The following COL21A1 variants were observed in gnomAD, a reference collection of about 807,000 sequenced individuals.
COL21A1 encodes collagen alpha-1(XXI) chain.
In COL21A1, 149 loss-of-function variants were observed where a neutral mutation model predicts 137.9. That is an observed-to-expected ratio of 1.08 (90% CI 0.95 to 1.24). The LOEUF (loss-of-function observed/expected upper bound fraction) is 1.24. Among genes scored for constraint, COL21A1 ranks in the 50% most tolerant of loss-of-function variants. The probability of loss-of-function intolerance (pLI) is 0.00; values close to 1 mark genes in which losing one functional copy is unlikely to be tolerated. For synonymous variants in COL21A1, 456 were observed against 391.5 expected (o/e 1.16, Z -1.95); for missense variants, 1,167 against 1,158.4 (o/e 1.01, Z -0.11).
intron 1 of COL21A1, among the ~76,000 whole-genome samples, chr6:56,280,398 C>T (rs555980976): frequency 6.6e-6 from 1 of 152,260 alleles, no homozygotes; most frequent in Admixed American, 6.5e-5. Context: ...GGATTCTTTG[C>T]ACAACTGAAT....
At chr6:56,183,490 G>A (rs139245515) in intron 1 of COL21A1, among the ~76,000 whole-genome samples, 141 of 152,232 alleles carry the variant, frequency 9.3e-4, no homozygotes, top group African/African-American at 3.2e-3. Flanking sequence ...TCTCTGCCAC[G>A]CAACAAGCAT....
intron 22 of COL21A1, chr6:56,068,650 A>C (rs1766470081): frequency 6.5e-6 from 1 of 154,986 alleles, no homozygotes; most frequent in Admixed American, 6.6e-5. Flanking sequence ...CACAAGTTTT[A>C]TCCTTCCAGA....
At chr6:56,389,140 T>A (rs2094024223) in intron 1 of COL21A1, among the ~76,000 whole-genome samples, 1 of 152,054 alleles carries the variant, frequency 6.6e-6, no homozygotes, top group African/African-American at 2.4e-5. Context: ...AGGCAGTGGA[T>A]CATCTGAGGT....
chr6:56,207,590 G>A (rs962341232), intron 1 of COL21A1, among the ~76,000 whole-genome samples: 5 of 152,154 alleles, frequency 3.3e-5, no homozygotes, highest in Non-Finnish European at 7.4e-5. Context: ...ATTCACAGCC[G>A]AATTCTGCCA....
intron 1 of COL21A1, among the ~76,000 whole-genome samples, chr6:56,368,624 C>T (rs1457726668): frequency 6.6e-6 from 1 of 152,216 alleles, no homozygotes; most frequent in Admixed American, 6.5e-5. Context: ...CTCCTCACCC[C>T]CCTTAAAATT....
chr6:56,125,711 A>T, intron 13 of COL21A1, 91 bp from the exon 14 acceptor site: 1 of 788,250 alleles, frequency 1.3e-6, no homozygotes, highest in Admixed American at 3.4e-5. Context: ...AAAGAGTTTA[A>T]TATGCCAAAA....
At chr6:56,157,166 G>A (rs1050939435) in intron 9 of COL21A1, among the ~76,000 whole-genome samples, 3 of 151,772 alleles carry the variant, frequency 2.0e-5, no homozygotes, top group Non-Finnish European at 2.9e-5. Context: ...ACCACACCAA[G>A]TATAACTATA....
intron 1 of COL21A1, among the ~76,000 whole-genome samples, chr6:56,241,623 G>A (rs1017651017): frequency 1.4e-4 from 16 of 118,224 alleles, no homozygotes; most frequent in Non-Finnish European, 2.1e-4. Flanking sequence ...AGAGCAGCCT[G>A]ATTCTCAGGA....
chr6:56,230,337 T>C (rs1781477899), intron 1 of COL21A1, among the ~76,000 whole-genome samples: 1 of 151,924 alleles, frequency 6.6e-6, no homozygotes, highest in Non-Finnish European at 1.5e-5. Context: ...GATAAATCAG[T>C]CAAGAAATAT....
chr6:56,143,193 A>AT (rs1252054708), intron 10 of COL21A1, among the ~76,000 whole-genome samples: 5 of 141,026 alleles, frequency 3.5e-5, no homozygotes, highest in African/African-American at 1.3e-4. Flanking sequence ...TGACTATACA[A>AT]TTTTTCTTTT....
At chr6:56,119,260 TA>T (rs1772235893) in intron 16 of COL21A1, among the ~76,000 whole-genome samples, 1 of 152,126 alleles carries the variant, frequency 6.6e-6, no homozygotes, top group Non-Finnish European at 1.5e-5. Flanking sequence ...CAAAAATCAG[TA>T]GCATCTCTAT....
At chr6:56,071,551 C>T (rs1002881950) in intron 20 of COL21A1, among the ~76,000 whole-genome samples, 1 of 151,542 alleles carries the variant, frequency 6.6e-6, no homozygotes, top group East Asian at 2.0e-4. Context: ...CCACAACCAA[C>T]TTGGGTTTAC....
At chr6:56,102,559 GAGAA>G (rs1770552477) in intron 16 of COL21A1, among the ~76,000 whole-genome samples, 1 of 152,114 alleles carries the variant, frequency 6.6e-6, no homozygotes, top group Non-Finnish European at 1.5e-5. Flanking sequence ...AAGTTTAAGG[GAGAA>G]AGAGTCTAAG....
intron 3 of COL21A1, among the ~76,000 whole-genome samples, chr6:56,175,637 G>A (rs1468269161): frequency 1.3e-5 from 2 of 151,798 alleles, no homozygotes; most frequent in African/African-American, 4.8e-5. Flanking sequence ...AACTGAAGAA[G>A]GAATAAATGG....
At chr6:56,181,822 G>T (rs7774374) in intron 2 of COL21A1, among the ~76,000 whole-genome samples, 1 of 152,046 alleles carries the variant, frequency 6.6e-6, no homozygotes, top group East Asian at 1.9e-4. Context: ...TTAAAATCCC[G>T]TTTTCCACCC....
intron 16 of COL21A1, among the ~76,000 whole-genome samples, chr6:56,107,660 G>A (rs1407607183): frequency 6.6e-6 from 1 of 151,900 alleles, no homozygotes; most frequent in East Asian, 1.9e-4. Context: ...AGTGAAAAGT[G>A]GTGAGACAAG....
chr6:56,214,104 C>T (rs185299584), intron 1 of COL21A1, among the ~76,000 whole-genome samples: 4 of 152,104 alleles, frequency 2.6e-5, no homozygotes, highest in Admixed American at 6.6e-5. Context: ...AATTGGAAAC[C>T]TGTTTTCTTT....
At chr6:56,150,472 C>G (rs545922920) in intron 10 of COL21A1, among the ~76,000 whole-genome samples, 1 of 151,192 alleles carries the variant, frequency 6.6e-6, no homozygotes, top group East Asian at 2.0e-4. Flanking sequence ...GAGCCGAGAG[C>G]GCGCCACTGC....
In COL21A1 at chr6:56,200,869, GA is replaced by G. The variant is rs1779351468; in HGVS notation, c.-38-18214del. On this transcript the variant is annotated intron_variant, in intron 1 of 29. Coordinates refer to ENST00000244728, the MANE Select transcript of COL21A1 (RefSeq NM_030820.4). ...GTACTTCTAGTTCTAGATGCCTGAGGAATCGCCACACTGACTTCCACAATGG... is the reference window on the plus strand; with the variant it reads ...GTACTTCTAGTTCTAGATGCCTGAGGATCGCCACACTGACTTCCACAATGG... Among the ~76,000 whole-genome samples the G allele has an allele frequency of 2.6e-5, 4 of 152,250 alleles. No homozygotes were observed. The South Asian group carries it at 8.3e-4, about 32-fold the overall frequency.
Sources: gnomAD v4.1 joint callset for allele counts (sites outside exome capture counted in the v4.1 genomes callset) on GRCh38, gnomAD v4.1.1 for gene constraint, MANE v1.5 for transcripts, NCBI Gene and HGNC (gene_info 2026-07-23, HGNC 2026-07-21) for gene names.